The following ACAN variants were observed in gnomAD, a reference collection of about 807,000 sequenced individuals.
ACAN encodes aggrecan, also known as aggrecan core protein.
Under a neutral mutation model 169.1 loss-of-function variants are expected in ACAN, and 47 were observed. That is an observed-to-expected ratio of 0.28 (90% CI 0.22 to 0.35). The LOEUF (loss-of-function observed/expected upper bound fraction) is 0.35, where lower values mean the gene tolerates loss of function less well. ACAN is among the 10% of genes least tolerant of loss of function. ACAN has a pLI of 1.00. For missense variants in ACAN, 2,716 were observed against 2,759.9 expected (o/e 0.98, Z 0.36); for synonymous variants, 1,115 against 1,112.2 (o/e 1.00, Z -0.05).
rs774993574 is a variant in ACAN at position 88,845,870 on chromosome 15, C to T, written c.1417C>T (p.His473Tyr). 3 of 1,454,162 alleles carry T rather than the reference C, an allele frequency of 2.1e-6. No homozygotes were observed. 90.1% of individuals were successfully genotyped at this position (1,454,162 alleles called of 1,614,324 possible). Residue 473 changes from histidine (H) to tyrosine (Y), a missense_variant, in exon 7 of 19, where the codon CAT becomes TAT. Physicochemically the swap from His to Tyr is moderately conservative, Grantham distance 83. Transcript: ENST00000560601. ...GGTGACCGCTGTCCCTGGGCAGCCG[C>T]ATTTGCCAGGGGGTAAGTAGCTGCC... The part of the protein sequence containing the change: ...VQVTAVPGQP[H>Y]LPGGVVFHYR...
chr15:88,846,832 A>G (rs1405413972), intron 7 of ACAN, among the ~76,000 whole-genome samples: 1 of 152,240 alleles, frequency 6.6e-6, no homozygotes, highest in African/African-American at 2.4e-5. Context: ...TTGTAACAGA[A>G]GCCACATAGC....
At position 88,866,116 on chromosome 15, in the gene ACAN, A is replaced by G. The variant is rs1158228646; in HGVS notation, c.6947-2100A>G. Among the ~76,000 whole-genome samples the G allele has an allele frequency of 6.6e-6, 1 of 151,998 alleles. No individual in the cohort carries two copies. Among genetic ancestry groups the G allele is most frequent in the Non-Finnish European group, 1.5e-5 (1 of 68,004 alleles). On this transcript the variant is annotated intron_variant, in intron 13 of 18. Transcript: ENST00000560601. The surrounding 1 kb of genome is among the most constrained non-coding windows in gnomAD (Gnocchi z 5.6). ...AGAAAGCAACGCTCCCCCTCACCCC[A>G]ACTTGGGCAGCCTGGGAGCAGGTTT...
Position 88,838,962 on chromosome 15 carries a change from C to A in ACAN, c.370C>A (p.Arg124Ser). Reference sequence around the variant, plus strand: ...CGCCACCTTGGAAGTCCAGAGCCTGCGCTCCAATGACTCTGGGGTCTACCG... The same window carrying A: ...CGCCACCTTGGAAGTCCAGAGCCTGAGCTCCAATGACTCTGGGGTCTACCG... ...SDATLEVQSL[R>S]SNDSGVYRCE... Residue 124 changes from arginine to serine, a missense_variant, in exon 3 of 19, where the codon CGC becomes AGC. This residue lies in a region of ACAN where 1,283 missense variants were observed against 1,281.5 expected (regional missense o/e 1.00). Coordinates refer to ENST00000560601, the MANE Select transcript of ACAN (RefSeq NM_001369268.1). The surrounding 1 kb of genome is among the most constrained non-coding windows in gnomAD (Gnocchi z 5.1). 6.2e-7 allele frequency: 1 copy of A among 1,613,584 alleles called. No individual in the cohort carries two copies. Among genetic ancestry groups the A allele is most frequent in the Non-Finnish European group, 8.5e-7 (1 of 1,179,902 alleles).
In ACAN at chr15:88,814,290, A is replaced by G. The variant is rs17198849; in HGVS notation, c.-8+10481A>G. ...CCCACAGAGCAAGGGCTCTCAAAACAGTAACTGCTGTAAATCATGAACATT... is the reference window on the plus strand; with the variant it reads ...CCCACAGAGCAAGGGCTCTCAAAACGGTAACTGCTGTAAATCATGAACATT... On this transcript the variant is annotated intron_variant, in intron 1 of 18. Transcript: ENST00000560601. The surrounding 1 kb of genome is among the most constrained non-coding windows in gnomAD (Gnocchi z 4.0). Among the ~76,000 whole-genome samples, 11,797 of 152,322 alleles carry G rather than the reference A, an allele frequency of 0.077. 688 individuals are homozygous for G. The highest frequency in any genetic ancestry group is 0.11 in the Non-Finnish European group (7,576 of 68,016).
At chr15:88,820,434 A>G (rs1394075503) in intron 1 of ACAN, among the ~76,000 whole-genome samples, 1 of 152,188 alleles carries the variant, frequency 6.6e-6, no homozygotes, top group Non-Finnish European at 1.5e-5. Flanking sequence ...GAGCCTATTC[A>G]TCACCTACAG....
In ACAN at chr15:88,847,370, A is replaced by C. The variant is rs750296012; in HGVS notation, c.1557A>C (p.Ala519=). 9 of 1,594,206 alleles carry C rather than the reference A, an allele frequency of 5.6e-6. No individual in the cohort carries two copies. The highest frequency in any genetic ancestry group is 7.7e-6 in the Non-Finnish European group (9 of 1,171,124). Reference sequence around the variant, plus strand: ...AGCAGCTCCAGGCCGCCTACGAAGCAGGCTATGAGCAGTGTGACGCCGGCT... The same window carrying C: ...AGCAGCTCCAGGCCGCCTACGAAGCCGGCTATGAGCAGTGTGACGCCGGCT... ...SPEQLQAAYE[A]GYEQCDAGWL... is the part of the protein sequence containing the mutation. The change falls in exon 8 of 19, where the codon GCA becomes GCC. Residue 519 remains alanine, a synonymous_variant. Coordinates refer to ENST00000560601, the MANE Select transcript of ACAN (RefSeq NM_001369268.1).
Position 88,849,749 on chromosome 15 carries a change from G to A in ACAN, c.2026+18G>A, listed in dbSNP as rs779703707. On this transcript the variant is annotated intron_variant, in intron 10 of 18. Transcript: ENST00000560601. The surrounding 1 kb of genome is among the most constrained non-coding windows in gnomAD (Gnocchi z 5.1). ...CTTCCGAGGTATGCAGCCTCACTTC[G>A]GCTCCAACAGCCCCTTTTGTCTGGA... The A allele has an allele frequency of 2.6e-5, 42 of 1,611,536 alleles. No individual in the cohort carries two copies. Among genetic ancestry groups the A allele is most frequent in the South Asian group, 2.5e-4 (23 of 90,666 alleles).
At position 88,849,412 on chromosome 15, in the gene ACAN, A is replaced by T. The variant is rs1396602986; in HGVS notation, c.1733-26A>T. The T allele has an allele frequency of 1.3e-6, 2 of 1,546,560 alleles. No individual in the cohort carries two copies. The highest frequency in any genetic ancestry group is 4.6e-5 in the East Asian group (2 of 43,684). On this transcript the variant is annotated intron_variant, in intron 9 of 18. Transcript: ENST00000560601. The surrounding 1 kb of genome is among the most constrained non-coding windows in gnomAD (Gnocchi z 5.1). ...CCTGGCCTGAGTGTGGGGGGGTCAT[A>T]TTCTACCCCTTGCCTCTGCCCCCAG... is the stretch of plus-strand genomic sequence containing the variant.
rs1897428313 is a variant in ACAN, at chr15:88,873,362, C to A, written c.7447+337C>A. On this transcript the variant is annotated intron_variant, in intron 17 of 18. Transcript: ENST00000560601. The surrounding 1 kb of genome is among the most constrained non-coding windows in gnomAD (Gnocchi z 7.5). ...CCCACAAGGGCCCCCAGATGGGGAG[C>A]CTCCCTGTCTTTGGGATTCCCAAGG... Among the ~76,000 whole-genome samples, 1 of 152,206 alleles carries A rather than the reference C, an allele frequency of 6.6e-6. No individual in the cohort carries two copies. The highest frequency in any genetic ancestry group is 1.5e-5 in the Non-Finnish European group (1 of 68,034).
rs770279553 is a variant in ACAN at position 88,840,001 on chromosome 15, G to T, written c.455-11G>T. 1.3e-6 allele frequency: 2 copies of T among 1,593,950 alleles called. No homozygotes were observed. The highest frequency in any genetic ancestry group is 1.7e-6 in the Non-Finnish European group (2 of 1,169,470). On this transcript the variant is annotated splice_polypyrimidine_tract_variant and intron_variant, in intron 3 of 18. Coordinates refer to ENST00000560601, the MANE Select transcript of ACAN (RefSeq NM_001369268.1). Reference sequence around the variant, plus strand: ...AGCTCTTCCGCTTGTGGGCGTGTATGTGTCTTGCAGGCATCGTGTTCCATT... The same window carrying T: ...AGCTCTTCCGCTTGTGGGCGTGTATTTGTCTTGCAGGCATCGTGTTCCATT...
chr15:88,858,095 T>C lies in ACAN; in HGVS notation c.5510T>C (p.Val1837Ala). 1 of 1,613,862 alleles carries C rather than the reference T, an allele frequency of 6.2e-7. No individual in the cohort carries two copies. Among genetic ancestry groups the C allele is most frequent in the Non-Finnish European group, 8.5e-7 (1 of 1,179,886 alleles). Residue 1837 changes from valine (V) to alanine (A), a missense_variant, in exon 12 of 19, where the codon GTT becomes GCT. Val to Ala is a moderately conservative substitution (Grantham distance 64, BLOSUM62 0). Around this residue, in one of 3 missense-constraint regions of ACAN, gnomAD observed 1,389 missense variants for 1,363.7 expected, o/e 1.02. Coordinates refer to ENST00000560601, the MANE Select transcript of ACAN (RefSeq NM_001369268.1). This position sits in a 1 kb window ranked among gnomAD's most constrained non-coding sequence, Gnocchi z 4.0. ...ATTACATTTGTGGACACCAGTTTGG[T>C]TGAAGTGGCCCCTACTACATTTAAA... ...SGITFVDTSL[V>A]EVAPTTFKEE...
At chr15:88,825,252 T>G (rs1896184401) in intron 1 of ACAN, among the ~76,000 whole-genome samples, 1 of 152,196 alleles carries the variant, frequency 6.6e-6, no homozygotes. Context: ...AGCTCCCTTT[T>G]GCTCCCACCC....
chr15:88,852,902 C>T (rs138537853), intron 11 of ACAN, among the ~76,000 whole-genome samples: 1 of 152,308 alleles, frequency 6.6e-6, no homozygotes, highest in Non-Finnish European at 1.5e-5. Context: ...GGAGTATATC[C>T]GAGCTCCCAC....
intron 1 of ACAN, among the ~76,000 whole-genome samples, chr15:88,818,783 C>T (rs914919823): frequency 6.6e-6 from 1 of 152,032 alleles, no homozygotes; most frequent in Non-Finnish European, 1.5e-5. Context: ...AGGGGCCAAC[C>T]CCATGAAGAG....
chr15:88,874,659 A>G lies in ACAN; in HGVS notation c.*178A>G. On this transcript the variant is annotated 3_prime_UTR_variant, in exon 19 of 19. Coordinates refer to ENST00000560601, the MANE Select transcript of ACAN (RefSeq NM_001369268.1). The surrounding 1 kb of genome is among the most constrained non-coding windows in gnomAD (Gnocchi z 7.3). ...CACCCACTCACCCCTCCAAATCAGC[A>G]AAACCGCATCTAATTTGTCCGCCGA... The G allele has an allele frequency of 1.4e-6, 1 of 702,646 alleles. No individual in the cohort carries two copies. Among genetic ancestry groups the G allele is most frequent in the Non-Finnish European group, 2.6e-6 (1 of 390,964 alleles). 43.5% of individuals were successfully genotyped at this position (702,646 alleles called of 1,614,324 possible). A position where few individuals can be genotyped will look rare whatever the true frequency, so the allele number is the denominator to read the frequency against.
intron 1 of ACAN, among the ~76,000 whole-genome samples, chr15:88,804,850 T>C (rs1895637407): frequency 6.6e-6 from 1 of 152,150 alleles, no homozygotes; most frequent in Admixed American, 6.5e-5. Context: ...TCTGGTTCTG[T>C]GGGGCTGGCT....
At chr15:88,831,685 T>G (rs1484635281) in intron 1 of ACAN, among the ~76,000 whole-genome samples, 1 of 152,206 alleles carries the variant, frequency 6.6e-6, no homozygotes, top group Non-Finnish European at 1.5e-5. Flanking sequence ...GGGCTCCACT[T>G]CCAACCTACC....
At position 88,866,165 on chromosome 15, in the gene ACAN, C is replaced by T. The variant is rs905047624; in HGVS notation, c.6947-2051C>T. 6.6e-6 allele frequency among the ~76,000 whole-genome samples: 1 copy of T among 152,198 alleles called. No individual in the cohort carries two copies. Among genetic ancestry groups the T allele is most frequent in the African/African-American group, 2.4e-5 (1 of 41,464 alleles). On this transcript the variant is annotated intron_variant, in intron 13 of 18. Transcript: ENST00000560601. This position sits in a 1 kb window ranked among gnomAD's most constrained non-coding sequence, Gnocchi z 5.6. ...TTTATGCGACCAGCCTCTGAGACAACTGGATACCCCCCAGCCTGACCTCCG... is the reference window on the plus strand; with the variant it reads ...TTTATGCGACCAGCCTCTGAGACAATTGGATACCCCCCAGCCTGACCTCCG...
In ACAN at chr15:88,838,872, G is replaced by C. The variant is rs370626315; in HGVS notation, c.280G>C (p.Val94Leu). ...VVLLVATEGR[V>L]RVNSAYQDKV... ...GCTGCTGGTGGCCACTGAAGGGCGC[G>C]TGCGGGTCAACAGTGCCTATCAGGA... Residue 94 changes from valine (V) to leucine (L), a missense_variant, in exon 3 of 19, where the codon GTG becomes CTG. Physicochemically the swap from Val to Leu is conservative, Grantham distance 32 (BLOSUM62 1). Transcript: ENST00000560601. This position sits in a 1 kb window ranked among gnomAD's most constrained non-coding sequence, Gnocchi z 5.1. The C allele has an allele frequency of 6.8e-6, 11 of 1,614,050 alleles. No homozygotes were observed. The highest frequency in any genetic ancestry group is 1.1e-5 in the South Asian group (1 of 91,092).
Sources: gnomAD v4.1 joint callset for allele counts (sites outside exome capture counted in the v4.1 genomes callset) on GRCh38, gnomAD v4.1.1 for gene constraint, gnomAD v4.1.1 regional missense constraint, Gnocchi (gnomAD v3.1) non-coding constraint, MANE v1.5 for transcripts, NCBI Gene and HGNC (gene_info 2026-07-23, HGNC 2026-07-21) for gene names.